ZNF546: variants seen among roughly 807,000 people sequenced by gnomAD.
ZNF546 encodes the protein CTC-471F3.6.
ZNF546 carries 60 observed loss-of-function variants against 76.2 expected under a neutral mutation model. The observed-to-expected ratio is 0.79, with a 90% CI of 0.64 to 0.98. The LOEUF (loss-of-function observed/expected upper bound fraction) is 0.98. ZNF546 is among the 50% of genes least tolerant of loss of function. The pLI, the probability that ZNF546 is intolerant of heterozygous loss-of-function variation, is 0.00. For synonymous variants in ZNF546, 277 were observed against 328.1 expected (o/e 0.84, Z 1.68); for missense variants, 936 against 1,035.6 (o/e 0.90, Z 1.32).
At chr19:40,009,901 A>G (rs1010162331) in intron 6 of ZNF546, among the ~76,000 whole-genome samples, 2 of 151,926 alleles carry the variant, frequency 1.3e-5, no homozygotes, top group African/African-American at 4.9e-5. Context: ...ATGTACCACA[A>G]TTTACTTATC....
Position 40,015,588 on chromosome 19 carries a change from G to A in ZNF546, c.2318G>A (p.Gly773Asp), listed in dbSNP as rs376147297. The A allele has an allele frequency of 1.4e-5, 23 of 1,614,082 alleles. No individual in the cohort carries two copies. The Admixed American group carries it at 1.5e-4, about 11-fold the overall frequency. Reference sequence around the variant, plus strand: ...ACTCGACATCACATAGTTCACACGGGTGAGAAACCCTATAAATGTAAAGAA... The same window carrying A: ...ACTCGACATCACATAGTTCACACGGATGAGAAACCCTATAAATGTAAAGAA... ...ELTRHHIVHT[G>D]EKPYKCKECG... The change falls in exon 7 of 7, where the codon GGT becomes GAT. Residue 773 changes from glycine to aspartate, a missense_variant. Gly to Asp is a moderately conservative substitution (Grantham distance 94). Transcript: ENST00000347077.
At chr19:40,005,864 C>A (rs530724300) in intron 3 of ZNF546, among the ~76,000 whole-genome samples, 37 of 152,218 alleles carry the variant, frequency 2.4e-4, no homozygotes, top group African/African-American at 8.4e-4. Flanking sequence ...TGATAAAGGA[C>A]CCATCATGCA....
intron 3 of ZNF546, among the ~76,000 whole-genome samples, chr19:40,001,408 G>A (rs1971528189): frequency 6.6e-6 from 1 of 151,350 alleles, no homozygotes; most frequent in African/African-American, 2.4e-5. Context: ...TGTTGCCCTG[G>A]CTGGAGTGCT....
At chr19:40,000,607 C>T (rs1234692743) in intron 3 of ZNF546, among the ~76,000 whole-genome samples, 1 of 137,834 alleles carries the variant, frequency 7.3e-6, no homozygotes, top group Non-Finnish European at 1.5e-5. Flanking sequence ...CAGAGTGAGA[C>T]TCTGTCTCAA....
rs532259069 is a variant in ZNF546 at position 40,016,594 on chromosome 19, T to C, written c.*813T>C. ...GACATACAAAATAAAAGCCCCAGTT[T>C]TTTATTATGGTATTTAACTGAGTTA... On this transcript the variant is annotated 3_prime_UTR_variant, in exon 7 of 7. Transcript: ENST00000347077. 6.6e-6 allele frequency: 1 copy of C among 152,200 alleles called. No homozygotes were observed. Among genetic ancestry groups the C allele is most frequent in the African/African-American group, 2.4e-5 (1 of 41,550 alleles). The allele number at this position is 152,200 out of a possible 1,614,324, so 9.4% of individuals were successfully genotyped here.
In ZNF546 at chr19:40,014,770, G is replaced by C; in HGVS notation, c.1500G>C (p.Lys500Asn). ...CCGGTGAGATTCCCTATGAATGTAA[G>C]GAATGTGGAAAAACCTTCAGTAGTC... ...THTGEIPYECKECGKTFSSRY... is the reference protein window; with the variant it reads ...THTGEIPYECNECGKTFSSRY... The change falls in exon 7 of 7, where the codon AAG becomes AAC. Residue 500 changes from lysine to asparagine, a missense_variant. Lys to Asn is a moderately conservative substitution (Grantham distance 94). Transcript: ENST00000347077. The C allele has an allele frequency of 6.2e-7, 1 of 1,611,430 alleles. No individual in the cohort carries two copies. The highest frequency in any genetic ancestry group is 1.3e-5 in the African/African-American group (1 of 74,110).
In ZNF546 at chr19:40,015,327, G is replaced by A. The variant is rs775701077; in HGVS notation, c.2057G>A (p.Gly686Asp). The change falls in exon 7 of 7, where the codon GGC (glycine) becomes GAC (aspartate). Residue 686 changes from glycine to aspartate, a missense_variant. Physicochemically the swap from Gly to Asp is moderately conservative, Grantham distance 94. Coordinates refer to ENST00000347077, the MANE Select transcript of ZNF546 (RefSeq NM_178544.5). ...TATCATCTTACTCAACATCACAGAG[G>A]CCATACTGGTGAGAAGCCCTACATA... Reference protein sequence around the residue: ...RHYHLTQHHRGHTGEKPYICN... With the variant: ...RHYHLTQHHRDHTGEKPYICN... 2 of 1,613,392 alleles carry A rather than the reference G, an allele frequency of 1.2e-6. No individual in the cohort carries two copies. The highest frequency in any genetic ancestry group is 2.2e-5 in the South Asian group (2 of 91,038).
At chr19:40,009,449 A>G (rs776496118) in intron 6 of ZNF546, among the ~76,000 whole-genome samples, 3 of 152,240 alleles carry the variant, frequency 2.0e-5, no homozygotes, top group Non-Finnish European at 4.4e-5. Flanking sequence ...TATAATTTAT[A>G]TAGTATAAAA....
rs1046412976 is a variant in ZNF546, at chr19:40,004,017, A to T, written c.85-2079A>T. Among the ~76,000 whole-genome samples the T allele has an allele frequency of 1.7e-4, 24 of 145,234 alleles. No homozygotes were observed. The East Asian group carries it at 2.0e-3, about 12-fold the overall frequency. On this transcript the variant is annotated intron_variant, in intron 3 of 6. Coordinates refer to ENST00000347077, the MANE Select transcript of ZNF546 (RefSeq NM_178544.5). ...ACAGAGTGAGACTCTATCTCAAAAAAATATATATATATAAATATATAAATA... is the reference window on the plus strand; with the variant it reads ...ACAGAGTGAGACTCTATCTCAAAAATATATATATATATAAATATATAAATA...
intron 5 of ZNF546, 133 bp downstream of exon 5, chr19:40,007,533 G>T: frequency 9.9e-7 from 1 of 1,009,328 alleles, no homozygotes. Flanking sequence ...CAGCAGTGTT[G>T]GGGTGGAAAT....
Position 40,013,687 on chromosome 19 carries a change from C to A in ZNF546, c.417C>A (p.Thr139=). The change falls in exon 7 of 7, where the codon ACC becomes ACA. Residue 139 remains threonine (T), a synonymous_variant. Coordinates refer to ENST00000347077, the MANE Select transcript of ZNF546 (RefSeq NM_178544.5). ...CAGATTTGGAATACAAGTATATTAC[C>A]AAGAATTTGCTTTCAGAAAAGAATG... ...WFTDLEYKYI[T]KNLLSEKNVC... 1 of 1,494,102 alleles carries A rather than the reference C, an allele frequency of 6.7e-7. No homozygotes were observed. Among genetic ancestry groups the A allele is most frequent in the South Asian group, 1.3e-5 (1 of 79,416 alleles). 92.6% of individuals were successfully genotyped at this position (1,494,102 alleles called of 1,614,324 possible). A position where few individuals can be genotyped will look rare whatever the true frequency, so the allele number is the denominator to read the frequency against.
Position 40,014,379 on chromosome 19 carries a change from G to T in ZNF546, c.1109G>T (p.Arg370Leu). 6.2e-7 allele frequency: 1 copy of T among 1,613,766 alleles called. No individual in the cohort carries two copies. The highest frequency in any genetic ancestry group is 8.5e-7 in the Non-Finnish European group (1 of 1,179,966). Residue 370 changes from arginine to leucine, a missense_variant, in exon 7 of 7, where the codon CGA becomes CTA. Physicochemically the swap from Arg to Leu is moderately radical, Grantham distance 102 (BLOSUM62 -2). Coordinates refer to ENST00000347077, the MANE Select transcript of ZNF546 (RefSeq NM_178544.5). Reference sequence around the variant, plus strand: ...TGTGGCAAGACCTTTAGGGTACAACGACATATTAGTCAACATCAGAAAATT... The same window carrying T: ...TGTGGCAAGACCTTTAGGGTACAACTACATATTAGTCAACATCAGAAAATT... ...KVCGKTFRVQRHISQHQKIHT... is the reference protein window; with the variant it reads ...KVCGKTFRVQLHISQHQKIHT...
rs1971813288 is a variant in ZNF546 at position 40,018,704 on chromosome 19, T to G, written c.*2923T>G. Reference sequence around the variant, plus strand: ...CACTTGGGATGAAGCCCAGCCACCATGCTATGAAGATGCCAAGTAATCACA... The same window carrying G: ...CACTTGGGATGAAGCCCAGCCACCAGGCTATGAAGATGCCAAGTAATCACA... On this transcript the variant is annotated 3_prime_UTR_variant, in exon 7 of 7. Transcript: ENST00000347077. 6.6e-6 allele frequency: 1 copy of G among 152,234 alleles called. No homozygotes were observed. The highest frequency in any genetic ancestry group is 1.9e-4 in the East Asian group (1 of 5,200). 9.4% of individuals were successfully genotyped at this position (152,234 alleles called of 1,614,324 possible). A position where few individuals can be genotyped will look rare whatever the true frequency, so the allele number is the denominator to read the frequency against.
At chr19:40,009,498 AAC>A (rs1338529047) in intron 6 of ZNF546, among the ~76,000 whole-genome samples, 1 of 152,248 alleles carries the variant, frequency 6.6e-6, no homozygotes, top group South Asian at 2.1e-4. Flanking sequence ...AACATTTTAA[AAC>A]AGTTTTATTG....
At chr19:39,997,670 T>C (rs1971472376) in intron 1 of ZNF546, among the ~76,000 whole-genome samples, 191 bp from the exon 2 acceptor site, 2 of 152,164 alleles carry the variant, frequency 1.3e-5, no homozygotes, top group Non-Finnish European at 2.9e-5. Context: ...TGCATTCCCA[T>C]ACCTTTGATC....
intron 3 of ZNF546, among the ~76,000 whole-genome samples, chr19:40,000,979 G>A (rs1971521839): frequency 6.6e-6 from 1 of 152,048 alleles, no homozygotes; most frequent in Admixed American, 6.6e-5. Flanking sequence ...CAACTAGATG[G>A]TCTCATCTTG....
chr19:40,003,228 G>A (rs12971590), intron 3 of ZNF546, among the ~76,000 whole-genome samples: 4 of 151,024 alleles, frequency 2.6e-5, no homozygotes, highest in Non-Finnish European at 4.4e-5. Context: ...TAGTAGAGAC[G>A]GGGTTTCACG....
intron 6 of ZNF546, among the ~76,000 whole-genome samples, chr19:40,011,560 G>C (rs999105135): frequency 6.6e-6 from 1 of 152,036 alleles, no homozygotes; most frequent in Non-Finnish European, 1.5e-5. Flanking sequence ...TTTTACATTT[G>C]TATACCTATT....
At chr19:40,013,548 T>C (rs1971697924) in intron 6 of ZNF546, 117 bp from the exon 7 acceptor site, 1 of 888,058 alleles carries the variant, frequency 1.1e-6, no homozygotes. Flanking sequence ...ATGTATGTTA[T>C]TTCTGTTTAT....
Sources: allele counts gnomAD v4.1 joint callset (sites outside exome capture counted in the v4.1 genomes callset), GRCh38; gene constraint gnomAD v4.1.1; transcripts MANE v1.5; gene names NCBI Gene and HGNC (gene_info 2026-07-23, HGNC 2026-07-21).